Variants in FRMPD4 observed in about 807,000 individuals in gnomAD.
FRMPD4 encodes FERM and PDZ domain-containing protein 4.
Under a neutral mutation model 94.1 loss-of-function variants are expected in FRMPD4, and 22 were observed. The ratio of observed to expected loss-of-function variants is 0.23; its 90% CI spans 0.17 to 0.33. The LOEUF is 0.33. Ranked by LOEUF, FRMPD4 falls within the 10% of genes least tolerant of loss-of-function variation. The pLI is 1.00. For missense variants in FRMPD4, 1,111 were observed against 1,339.9 expected, an observed-to-expected ratio of 0.83 and a Z score of 2.67; for synonymous variants, 631 against 548.6, an observed-to-expected ratio of 1.15 and a Z score of -2.10.
At chrX:12,161,472 C>T (rs1366024328) in intron 1 of FRMPD4, among the ~76,000 whole-genome samples, 2 of 111,948 alleles carry the variant, frequency 1.8e-5, no homozygotes, top group East Asian at 2.8e-4. Context: ...CCCAAGAACT[C>T]GATGAGCATT....
intron 2 of FRMPD4, among the ~76,000 whole-genome samples, chrX:12,589,758 C>T (rs1411047716): frequency 1.8e-5 from 2 of 111,871 alleles, no homozygotes; most frequent in Non-Finnish European, 1.9e-5. Context: ...CATTCCAAGG[C>T]AGCCTTTTTC....
intron 1 of FRMPD4, among the ~76,000 whole-genome samples, chrX:12,366,488 G>A (rs2056081334): frequency 8.9e-6 from 1 of 111,845 alleles, no homozygotes; most frequent in African/African-American, 3.3e-5. Flanking sequence ...TAGTTTCAGA[G>A]TCTAGGTGGG....
chrX:12,633,504 G>A (rs762245129), intron 4 of FRMPD4, among the ~76,000 whole-genome samples: 2 of 111,919 alleles, frequency 1.8e-5, no homozygotes, highest in African/African-American at 6.5e-5. Context: ...ACCTGGGCGA[G>A]GGGGAAAATG....
chrX:12,210,935 A>T (rs1022514146), intron 1 of FRMPD4, among the ~76,000 whole-genome samples: 5 of 112,674 alleles, frequency 4.4e-5, no homozygotes, highest in Non-Finnish European at 7.5e-5. Flanking sequence ...GGCATTTTTT[A>T]AAAATCCCAC....
chrX:11,964,440 G>A (rs1048547199), intron 3 of FRMPD4, among the ~76,000 whole-genome samples: 7 of 110,679 alleles, frequency 6.3e-5, no homozygotes, highest in African/African-American at 1.6e-4. Context: ...CACCATACCC[G>A]GCCGGGATTC....
intron 3 of FRMPD4, among the ~76,000 whole-genome samples, chrX:11,881,833 T>G (rs1243724938): frequency 1.8e-5 from 2 of 111,658 alleles, no homozygotes; most frequent in African/African-American, 3.3e-5. Context: ...AGTTCATAGG[T>G]TCAGTGAGGG....
chrX:12,447,228 TG>T (rs1358499082), intron 1 of FRMPD4, among the ~76,000 whole-genome samples: 8 of 111,889 alleles, frequency 7.1e-5, no homozygotes, highest in Non-Finnish European at 1.5e-4. Context: ...TGTTGATATT[TG>T]GGGCCAGATA....
chrX:12,417,457 T>A (rs1375059907), intron 1 of FRMPD4, among the ~76,000 whole-genome samples: 2 of 106,492 alleles, frequency 1.9e-5, no homozygotes, highest in Non-Finnish European at 3.9e-5. Context: ...CAGGCACCTG[T>A]AATCCCAGCT....
intron 4 of FRMPD4, among the ~76,000 whole-genome samples, chrX:12,666,101 C>CAAA (rs59803800): frequency 1.1e-5 from 1 of 89,069 alleles, no homozygotes; most frequent in Non-Finnish European, 2.2e-5. Flanking sequence ...AAATGGAAAG[C>CAAA]AAAAAAAAAA....
intron 3 of FRMPD4, among the ~76,000 whole-genome samples, chrX:11,930,107 C>CAAAAAAAAAAAA (rs55973946): frequency 0.047 from 623 of 13,257 alleles, 164 homozygotes; most frequent in Non-Finnish European, 0.069. Context: ...GACTCTGTCT[C>CAAAAAAAAAAAA]AAAAAAAAAA....
intron 1 of FRMPD4, among the ~76,000 whole-genome samples, chrX:12,381,437 G>T (rs1162048156): frequency 8.9e-6 from 1 of 112,048 alleles, no homozygotes. Context: ...GCTCAAAGTT[G>T]ATTAAAATTA....
chrX:11,965,986 A>G (rs1186144652), intron 3 of FRMPD4, among the ~76,000 whole-genome samples: 1 of 111,727 alleles, frequency 9.0e-6, no homozygotes, highest in African/African-American at 3.3e-5. Flanking sequence ...TAGTGACTCA[A>G]TCAGGGAGTA....
intron 1 of FRMPD4, among the ~76,000 whole-genome samples, chrX:12,157,944 G>T (rs948707451): frequency 1.8e-5 from 2 of 112,124 alleles, no homozygotes; most frequent in Admixed American, 9.5e-5. Flanking sequence ...AACTTACTGT[G>T]TATGTATTTG....
At chrX:11,834,177 C>T (rs1243375511) in intron 1 of FRMPD4, among the ~76,000 whole-genome samples, 1 of 111,786 alleles carries the variant, frequency 8.9e-6, no homozygotes, top group Non-Finnish European at 1.9e-5. Context: ...CTGTGCTACA[C>T]TTTAACTTCA....
intron 1 of FRMPD4, among the ~76,000 whole-genome samples, chrX:12,151,999 A>C (rs757872543): frequency 7.3e-4 from 82 of 111,641 alleles, no homozygotes; most frequent in African/African-American, 2.5e-3. Context: ...TTTTATGCTA[A>C]AATTGTGGGC....
chrX:12,351,610 A>G (rs2055814717), intron 1 of FRMPD4, among the ~76,000 whole-genome samples: 1 of 112,814 alleles, frequency 8.9e-6, no homozygotes, highest in Admixed American at 9.3e-5. Context: ...ACATCCTAGA[A>G]CAAGACACAT....
intron 1 of FRMPD4, among the ~76,000 whole-genome samples, chrX:11,852,758 C>T (rs1206573054): frequency 9.0e-6 from 1 of 111,608 alleles, no homozygotes; most frequent in Non-Finnish European, 1.9e-5. Context: ...ATTCATAAAG[C>T]AAGCTCTTAG....
intron 1 of FRMPD4, among the ~76,000 whole-genome samples, chrX:12,367,455 T>C (rs896290870): frequency 8.9e-6 from 1 of 112,479 alleles, no homozygotes; most frequent in African/African-American, 3.2e-5. Context: ...AGTTGCGCAA[T>C]GAACCATCCT....
intron 2 of FRMPD4, among the ~76,000 whole-genome samples, chrX:12,528,475 C>G (rs1010226460): frequency 1.8e-5 from 2 of 109,364 alleles, no homozygotes; most frequent in Admixed American, 2.0e-4. Context: ...CACCCACCAC[C>G]ACGCCCAGCT....
Sources: gnomAD v4.1 joint callset for allele counts (sites outside exome capture counted in the v4.1 genomes callset) on GRCh38, gnomAD v4.1.1 for gene constraint, MANE v1.5 for transcripts, NCBI Gene and HGNC (gene_info 2026-07-23, HGNC 2026-07-21) for gene names.